Variants in UBIAD1 observed in about 807,000 individuals in gnomAD.
UBIAD1 encodes ubiA prenyltransferase domain-containing protein 1.
In UBIAD1, 12 loss-of-function variants were observed where a neutral mutation model predicts 20.1. That is an observed-to-expected ratio of 0.60 (90% CI 0.38 to 0.97). The LOEUF (loss-of-function observed/expected upper bound fraction) is 0.97. UBIAD1 is among the 50% of genes least tolerant of loss of function. The pLI, the probability that UBIAD1 is intolerant of heterozygous loss-of-function variation, is 0.00. For synonymous variants in UBIAD1, 207 were observed against 189.2 expected (o/e 1.09, Z -0.77); for missense variants, 333 against 419.5 (o/e 0.79, Z 1.80).
chr1:11,291,541 A>G (rs1638365616), downstream of UBIAD1, among the ~76,000 whole-genome samples: 1 of 150,500 alleles, frequency 6.6e-6, no homozygotes, highest in African/African-American at 2.5e-5. Context: ...CGGGAGGCAG[A>G]GATTGCAGTC....
downstream of UBIAD1, among the ~76,000 whole-genome samples, chr1:11,297,928 G>C (rs1459864396): frequency 6.6e-6 from 1 of 151,776 alleles, no homozygotes; most frequent in African/African-American, 2.4e-5. Flanking sequence ...TACCAGAGTT[G>C]TTACTATTAC....
At chr1:11,295,935 G>A (rs1384235470), downstream of UBIAD1, 1 of 152,150 alleles carries the variant, frequency 6.6e-6, no homozygotes, top group Non-Finnish European at 1.5e-5. Context: ...GATCCTTAAA[G>A]CCCCTCTGAA....
downstream of UBIAD1, among the ~76,000 whole-genome samples, chr1:11,298,573 T>C (rs1402715997): frequency 7.1e-6 from 1 of 141,566 alleles, no homozygotes; most frequent in Non-Finnish European, 1.6e-5. The surrounding 1 kb of genome is among the most constrained non-coding windows in gnomAD (Gnocchi z 4.0). Context: ...TCTCCAAAAA[T>C]AAATAAATAA....
At chr1:11,296,203 A>G (rs1638445099), downstream of UBIAD1, among the ~76,000 whole-genome samples, 1 of 152,146 alleles carries the variant, frequency 6.6e-6, no homozygotes, top group Non-Finnish European at 1.5e-5. Flanking sequence ...TCCTCAGGAA[A>G]CTTACACTCT....
intron 1 of UBIAD1, among the ~76,000 whole-genome samples, chr1:11,294,525 GCCGCTC>G (rs1638418399): frequency 6.6e-6 from 1 of 152,106 alleles, no homozygotes; most frequent in African/African-American, 2.4e-5. Flanking sequence ...TCTGCCCTTA[GCCGCTC>G]CCAAGTGTGT....
chr1:11,296,500 T>C (rs1463875903), downstream of UBIAD1, among the ~76,000 whole-genome samples: 1 of 152,100 alleles, frequency 6.6e-6, no homozygotes, highest in East Asian at 1.9e-4. Flanking sequence ...AGTAGGCACT[T>C]CATAAAGTGA....
chr1:11,289,054 C>T (rs746256102), downstream of UBIAD1, among the ~76,000 whole-genome samples: 4 of 152,188 alleles, frequency 2.6e-5, no homozygotes, highest in Admixed American at 6.5e-5. Flanking sequence ...AGATGGAGAA[C>T]ATGAGGTAGA....
intron 1 of UBIAD1, among the ~76,000 whole-genome samples, chr1:11,283,658 A>T (rs1652318074): frequency 1.3e-5 from 2 of 152,080 alleles, no homozygotes; most frequent in Admixed American, 6.6e-5. Flanking sequence ...AAGGGTGTGT[A>T]TTTAGCACCA....
chr1:11,293,177 G>A (rs1032639041), downstream of UBIAD1, among the ~76,000 whole-genome samples: 2 of 152,140 alleles, frequency 1.3e-5, no homozygotes, highest in South Asian at 2.1e-4. Context: ...GGTATCACAA[G>A]TTGGTCTGGG....
At chr1:11,283,307 T>C (rs1281329075) in intron 1 of UBIAD1, among the ~76,000 whole-genome samples, 1 of 151,734 alleles carries the variant, frequency 6.6e-6, no homozygotes, top group East Asian at 1.9e-4. Context: ...ACAGCAAGAG[T>C]GGGCAGCTGT....
rs779379621 is a variant in UBIAD1, at chr1:11,273,990, C to T, written c.459C>T (p.Ser153=). 3.1e-6 allele frequency: 5 copies of T among 1,614,182 alleles called. No individual in the cohort carries two copies. Among genetic ancestry groups the T allele is most frequent in the East Asian group, 4.5e-5 (2 of 44,874 alleles). Residue 153 remains serine (S), a synonymous_variant, in exon 1 of 2, where the codon TCC becomes TCT. Coordinates refer to ENST00000376810, the MANE Select transcript of UBIAD1 (RefSeq NM_013319.3). This position sits in a 1 kb window ranked among gnomAD's most constrained non-coding sequence, Gnocchi z 4.9. Reference sequence around the variant, plus strand: ...GTGCCGCTTGCCTCTACTACCTGTCCCCTCTGAAACTGGAGCACTTGGCTC... The same window carrying T: ...GTGCCGCTTGCCTCTACTACCTGTCTCCTCTGAAACTGGAGCACTTGGCTC... ...CVCAACLYYL[S]PLKLEHLALI... is the part of the protein sequence containing the mutation.
chr1:11,296,521 TC>T (rs897613844), downstream of UBIAD1, among the ~76,000 whole-genome samples: 1 of 151,856 alleles, frequency 6.6e-6, no homozygotes, highest in African/African-American at 2.4e-5. Context: ...GTTCCCCCTG[TC>T]CCCCCCTTTG....
chr1:11,284,847 G>C (rs968567661), intron 1 of UBIAD1, among the ~76,000 whole-genome samples: 33 of 152,136 alleles, frequency 2.2e-4, no homozygotes, highest in African/African-American at 7.7e-4. Flanking sequence ...GGTTATGAGA[G>C]GGGAAGCTGA....
chr1:11,282,397 A>C (rs936523804), intron 1 of UBIAD1, among the ~76,000 whole-genome samples: 3 of 152,162 alleles, frequency 2.0e-5, no homozygotes, highest in Non-Finnish European at 2.9e-5. Flanking sequence ...GGTAGAGCAC[A>C]TGAAGCCTTG....
At chr1:11,277,372 A>G (rs1652077267) in intron 1 of UBIAD1, among the ~76,000 whole-genome samples, 1 of 147,712 alleles carries the variant, frequency 6.8e-6, no homozygotes, top group Non-Finnish European at 1.5e-5. Context: ...TTGGCTTACC[A>G]CAATCTCCGC....
At chr1:11,291,490 C>G (rs1638364740), downstream of UBIAD1, among the ~76,000 whole-genome samples, 1 of 151,722 alleles carries the variant, frequency 6.6e-6, no homozygotes, top group African/African-American at 2.4e-5. Flanking sequence ...AACTGTAATC[C>G]CAGCGACTCG....
At chr1:11,275,179 TATC>T (rs544677010) in intron 1 of UBIAD1, among the ~76,000 whole-genome samples, 8 of 152,224 alleles carry the variant, frequency 5.3e-5, no homozygotes, top group African/African-American at 1.4e-4. Context: ...ACTTACGTAT[TATC>T]ATGAAAAGAG....
intron 1 of UBIAD1, among the ~76,000 whole-genome samples, chr1:11,274,898 A>G (rs758851763): frequency 1.2e-4 from 18 of 151,790 alleles, no homozygotes; most frequent in Non-Finnish European, 2.1e-4. Context: ...GTGAGCCACC[A>G]TGCCCGGCCT....
At chr1:11,294,128 T>A (rs1638410346) in intron 1 of UBIAD1, among the ~76,000 whole-genome samples, 1 of 152,230 alleles carries the variant, frequency 6.6e-6, no homozygotes, top group Non-Finnish European at 1.5e-5. Context: ...ACTGTTCTGA[T>A]GCTTAAATAC....
Sources: gnomAD v4.1 joint callset for allele counts (sites outside exome capture counted in the v4.1 genomes callset) on GRCh38, gnomAD v4.1.1 for gene constraint, Gnocchi (gnomAD v3.1) non-coding constraint, MANE v1.5 for transcripts, NCBI Gene and HGNC (gene_info 2026-07-23, HGNC 2026-07-21) for gene names.